The following NBEA variants were observed in gnomAD, a reference collection of about 807,000 sequenced individuals.
The protein encoded by NBEA is lysosomal-trafficking regulator 2.
Under a neutral mutation model 343.4 loss-of-function variants are expected in NBEA, and 44 were observed. The observed-to-expected ratio is 0.13, with a 90% CI of 0.10 to 0.16. The LOEUF (loss-of-function observed/expected upper bound fraction) is 0.16. NBEA is among the 10% of genes least tolerant of loss of function. The probability of loss-of-function intolerance (pLI) is 1.00; values close to 1 mark genes in which losing one functional copy is unlikely to be tolerated. For missense variants in NBEA, 2,555 were observed against 3,631.3 expected (o/e 0.70, Z 7.62); for synonymous variants, 1,175 against 1,238.7 (o/e 0.95, Z 1.08).
At chr13:35,667,798 G>C (rs528327972) in intron 57 of NBEA, among the ~76,000 whole-genome samples, 1 of 152,296 alleles carries the variant, frequency 6.6e-6, no homozygotes, top group Admixed American at 6.5e-5. Context: ...GCTGTTGTTT[G>C]ATTAAAGCTT....
intron 38 of NBEA, among the ~76,000 whole-genome samples, chr13:35,423,206 G>C (rs886643377): frequency 6.6e-6 from 1 of 152,154 alleles, no homozygotes; most frequent in Admixed American, 6.5e-5. Flanking sequence ...TGATGTTTTA[G>C]ACATGAATTC....
At chr13:35,572,831 T>C (rs1033435505) in intron 45 of NBEA, among the ~76,000 whole-genome samples, 2 of 152,068 alleles carry the variant, frequency 1.3e-5, no homozygotes, top group African/African-American at 4.8e-5. Flanking sequence ...CTAGAGCAAG[T>C]TTCTGTGGTT....
At chr13:35,478,589 T>C (rs4943303) in intron 41 of NBEA, among the ~76,000 whole-genome samples, 48,284 of 152,148 alleles carry the variant, frequency 0.32, 7,753 homozygotes, top group East Asian at 0.48. Context: ...TCGCTACGCT[T>C]TATTTCTGCG....
rs796699619 is a variant in NBEA, at chr13:35,350,728, A to G, written c.6013-1429A>G. Among the ~76,000 whole-genome samples the G allele has an allele frequency of 2.9e-3, 398 of 137,948 alleles. 1 individual carries two copies. Among genetic ancestry groups the G allele is most frequent in the Non-Finnish European group, 4.1e-3 (258 of 62,496 alleles). 90.5% of individuals were successfully genotyped at this position (137,948 alleles called of 152,430 possible). A position where few individuals can be genotyped will look rare whatever the true frequency, so the allele number is the denominator to read the frequency against. ...TCTCCTTTTTGGGTTAGAGCTATTG[A>G]TGTGTGTGTGTGTGTGTGTGTGTGT... On this transcript the variant is annotated intron_variant, in intron 37 of 58. Transcript: ENST00000379939.
chr13:35,188,216 A>G (rs371537187), intron 30 of NBEA, among the ~76,000 whole-genome samples: 3 of 151,562 alleles, frequency 2.0e-5, no homozygotes, highest in African/African-American at 7.3e-5. Context: ...TGATTAAGTC[A>G]AGCTAATTAA....
At chr13:35,427,016 T>A (rs575137961) in intron 38 of NBEA, among the ~76,000 whole-genome samples, 29 of 152,348 alleles carry the variant, frequency 1.9e-4, no homozygotes, top group Non-Finnish European at 3.4e-4. Flanking sequence ...GCATTGGTTA[T>A]TCTAGTTAGC....
chr13:35,524,900 G>T (rs1003785024), intron 41 of NBEA, among the ~76,000 whole-genome samples: 4 of 152,170 alleles, frequency 2.6e-5, no homozygotes, highest in African/African-American at 9.7e-5. Flanking sequence ...TGATTCAGAA[G>T]CCTTTTATCT....
intron 18 of NBEA, among the ~76,000 whole-genome samples, chr13:35,153,725 C>T (rs900374291): frequency 1.3e-5 from 2 of 152,082 alleles, no homozygotes; most frequent in African/African-American, 4.8e-5. Flanking sequence ...CTTTTGTTTC[C>T]TGTGCAATGT....
intron 40 of NBEA, among the ~76,000 whole-genome samples, chr13:35,465,135 T>A (rs1461359142): frequency 1.3e-5 from 2 of 152,224 alleles, no homozygotes. Context: ...TACAGTTATC[T>A]TTTATATTTA....
At chr13:35,173,743 A>G (rs1160778463) in intron 27 of NBEA, 149 bp downstream of exon 27, 3 of 562,588 alleles carry the variant, frequency 5.3e-6, no homozygotes, top group Non-Finnish European at 8.1e-6. Flanking sequence ...CAATTTTGTT[A>G]CCAAGATTAC....
At chr13:35,217,684 C>A (rs7988344) in intron 33 of NBEA, among the ~76,000 whole-genome samples, 125,590 of 151,898 alleles carry the variant, frequency 0.83, 52,177 homozygotes, top group South Asian at 0.94. Flanking sequence ...AGAGGCCTCT[C>A]TTCTTGGATT....
intron 48 of NBEA, among the ~76,000 whole-genome samples, chr13:35,614,773 A>G (rs7320773): frequency 0.22 from 34,153 of 152,134 alleles, 4,034 homozygotes; most frequent in Non-Finnish European, 0.24. Context: ...CTCCCCTAGT[A>G]TAGCTGCTTG....
At chr13:35,460,787 T>C (rs1015537052) in intron 40 of NBEA, among the ~76,000 whole-genome samples, 2 of 152,230 alleles carry the variant, frequency 1.3e-5, no homozygotes, top group Non-Finnish European at 2.9e-5. Context: ...CATTTTCTGT[T>C]GTTTATAACA....
intron 39 of NBEA, among the ~76,000 whole-genome samples, chr13:35,438,668 A>G (rs2045572050): frequency 6.6e-6 from 1 of 152,198 alleles, no homozygotes; most frequent in South Asian, 2.1e-4. Flanking sequence ...TAAATAATTT[A>G]TTGAAAGTTA....
At chr13:35,168,529 T>G (rs2070214976) in intron 24 of NBEA, among the ~76,000 whole-genome samples, 1 of 151,560 alleles carries the variant, frequency 6.6e-6, no homozygotes, top group South Asian at 2.1e-4. Context: ...GAATACAAAT[T>G]ACATTATTTC....
At chr13:35,613,483 C>T (rs2082609791) in intron 48 of NBEA, among the ~76,000 whole-genome samples, 1 of 152,120 alleles carries the variant, frequency 6.6e-6, no homozygotes, top group African/African-American at 2.4e-5. Context: ...CATATCCTGG[C>T]TATTATGAAT....
chr13:35,546,891 C>T (rs1456207905), intron 41 of NBEA, among the ~76,000 whole-genome samples: 1 of 152,042 alleles, frequency 6.6e-6, no homozygotes, highest in Non-Finnish European at 1.5e-5. Flanking sequence ...TGGAATGAAA[C>T]TCTTTTTAAA....
intron 36 of NBEA, among the ~76,000 whole-genome samples, chr13:35,321,240 G>C (rs1291123620): frequency 6.6e-6 from 1 of 152,080 alleles, no homozygotes; most frequent in Non-Finnish European, 1.5e-5. Flanking sequence ...ATCTACCTTT[G>C]GTCTTTAATG....
intron 35 of NBEA, among the ~76,000 whole-genome samples, chr13:35,306,449 C>T (rs2152829830): frequency 6.6e-6 from 1 of 151,974 alleles, no homozygotes; most frequent in Admixed American, 6.6e-5. Context: ...CTCATTATCT[C>T]TTTGTTCTAT....
Sources: allele counts gnomAD v4.1 joint callset (sites outside exome capture counted in the v4.1 genomes callset), GRCh38; gene constraint gnomAD v4.1.1; transcripts MANE v1.5; gene names NCBI Gene and HGNC (gene_info 2026-07-23, HGNC 2026-07-21).